Variants in MSH3 observed in about 807,000 individuals in gnomAD.
The protein encoded by MSH3 is DNA mismatch repair protein Msh3.
Under a neutral mutation model 123.3 loss-of-function variants are expected in MSH3, and 106 were observed. The observed-to-expected ratio is 0.86, with a 90% CI of 0.73 to 1.01. The LOEUF (loss-of-function observed/expected upper bound fraction) is 1.01, where lower values mean the gene tolerates loss of function less well. Among genes scored for constraint, MSH3 ranks in the 50% least tolerant of loss-of-function variants. MSH3 has a pLI of 0.00. For synonymous variants in MSH3, 515 were observed against 481.4 expected, an observed-to-expected ratio of 1.07 and a Z score of -0.91; for missense variants, 1,459 against 1,347.6, an observed-to-expected ratio of 1.08 and a Z score of -1.29.
intron 3 of MSH3, among the ~76,000 whole-genome samples, chr5:80,667,444 G>T (rs890591221): frequency 6.6e-6 from 1 of 152,230 alleles, no homozygotes; most frequent in Non-Finnish European, 1.5e-5. Flanking sequence ...CTCTGTGGCT[G>T]GTGGTGCCTT....
intron 9 of MSH3, 76 bp from the exon 10 acceptor site, chr5:80,728,775 G>GT: frequency 1.3e-6 from 1 of 792,162 alleles, no homozygotes; most frequent in Non-Finnish European, 2.1e-6. Context: ...CAAGTTAATG[G>GT]TTCTGTTTAT....
At chr5:80,752,000 G>A (rs1743848054) in intron 12 of MSH3, among the ~76,000 whole-genome samples, 1 of 151,926 alleles carries the variant, frequency 6.6e-6, no homozygotes, top group Non-Finnish European at 1.5e-5. Flanking sequence ...TGCCAATCTT[G>A]TGCAATTTTG....
chr5:80,707,883 T>C (rs1204911367), intron 8 of MSH3, among the ~76,000 whole-genome samples: 3 of 152,240 alleles, frequency 2.0e-5, no homozygotes, highest in Non-Finnish European at 1.5e-5. Context: ...AGTTAGTGTA[T>C]GGTGTCATGT....
intron 12 of MSH3, among the ~76,000 whole-genome samples, chr5:80,751,072 C>T (rs762202235): frequency 6.6e-6 from 1 of 152,032 alleles, no homozygotes; most frequent in Non-Finnish European, 1.5e-5. Context: ...AAGGGGTCTT[C>T]AGAAAGTTCA....
intron 8 of MSH3, among the ~76,000 whole-genome samples, chr5:80,716,009 T>C (rs988159512): frequency 6.6e-6 from 1 of 152,184 alleles, no homozygotes; most frequent in Non-Finnish European, 1.5e-5. Context: ...TCTTCATCTT[T>C]AGTGCTCTCT....
At chr5:80,678,259 G>A (rs1382137999) in intron 7 of MSH3, among the ~76,000 whole-genome samples, 5 of 152,264 alleles carry the variant, frequency 3.3e-5, no homozygotes, top group African/African-American at 1.2e-4. Flanking sequence ...TGGGACCTTG[G>A]CTAGAAACTT....
rs750694528 is a variant in MSH3, at chr5:80,761,644, T to G, written c.1862T>G (p.Ile621Arg). The stretch of plus-strand genomic sequence containing the variant: ...AATCATCTACGTAAATTGCCCGACA[T>G]AGAGAGGGGACTCTGTAGCATTTAT... ...IENHLRKLPD[I>R]ERGLCSIYHK... is the part of the protein sequence containing the mutation. Residue 621 changes from isoleucine (I) to arginine (R), a missense_variant, in exon 13 of 24, where the codon ATA (isoleucine) becomes AGA (arginine). Physicochemically the swap from Ile to Arg is moderately conservative, Grantham distance 97. Coordinates refer to ENST00000265081, the MANE Select transcript of MSH3 (RefSeq NM_002439.5). 3 of 1,614,138 alleles carry G rather than the reference T, an allele frequency of 1.9e-6. No homozygotes were observed. The highest frequency in any genetic ancestry group is 2.2e-5 in the South Asian group (2 of 91,084).
chr5:80,796,888 A>G (rs575019757), intron 19 of MSH3, among the ~76,000 whole-genome samples: 168 of 152,252 alleles, frequency 1.1e-3, no homozygotes, highest in Non-Finnish European at 1.9e-3. Flanking sequence ...TCTACTCTGC[A>G]GCCACAGGGC....
intron 7 of MSH3, among the ~76,000 whole-genome samples, chr5:80,677,946 T>G (rs976958711): frequency 2.0e-5 from 3 of 152,218 alleles, no homozygotes; most frequent in Non-Finnish European, 4.4e-5. Context: ...TGTAAATATT[T>G]TTGTATGTCT....
In MSH3 at chr5:80,654,706, G is replaced by T. The variant is rs753735186; in HGVS notation, c.-22G>T. On this transcript the variant is annotated 5_prime_UTR_variant, in exon 1 of 24. Coordinates refer to ENST00000265081, the MANE Select transcript of MSH3 (RefSeq NM_002439.5). ...GCGCTCCTCGCCAGGCCCTGCCGCC[G>T]GGCTGCCATCCTTGCCCTGCCATGT... The T allele has an allele frequency of 6.3e-7, 1 of 1,581,780 alleles. No homozygotes were observed. The highest frequency in any genetic ancestry group is 1.7e-5 in the Admixed American group (1 of 57,584).
At chr5:80,788,452 T>A (rs1032369759) in intron 18 of MSH3, among the ~76,000 whole-genome samples, 38 of 149,618 alleles carry the variant, frequency 2.5e-4, no homozygotes, top group East Asian at 1.2e-3. Context: ...AAAAAAAAAA[T>A]TTTTTTTCAG....
intron 20 of MSH3, among the ~76,000 whole-genome samples, chr5:80,845,094 T>A (rs1002448537): frequency 7.2e-5 from 11 of 152,230 alleles, no homozygotes; most frequent in Non-Finnish European, 4.4e-5. Context: ...AAGGCAGACC[T>A]GGTGGTGACA....
At position 80,876,450 on chromosome 5, in the gene MSH3, A is replaced by G. The variant is rs1291426328; in HGVS notation, c.*588A>G. 6.2e-6 allele frequency: 1 copy of G among 160,392 alleles called. No individual in the cohort carries two copies. 9.9% of individuals were successfully genotyped at this position (160,392 alleles called of 1,614,324 possible). On this transcript the variant is annotated 3_prime_UTR_variant, in exon 24 of 24. Transcript: ENST00000265081. ...AAACCCCATCTTTACTAAAAATATA[A>G]AGTACATCTCTACTAAAAATACGAA...
At chr5:80,827,468 A>C (rs1319777803) in intron 20 of MSH3, among the ~76,000 whole-genome samples, 5 of 152,242 alleles carry the variant, frequency 3.3e-5, no homozygotes, top group Non-Finnish European at 7.3e-5. Flanking sequence ...TTGAGCACTG[A>C]CTGTGGAGTA....
At position 80,792,611 on chromosome 5, in the gene MSH3, A is replaced by G. The variant is rs56006849; in HGVS notation, c.2544-122A>G. The G allele has an allele frequency of 9.9e-4, 662 of 667,296 alleles. 3 individuals are homozygous for G. In the African/African-American group the frequency reaches 0.01, roughly 10 times the overall value. The allele number at this position is 667,296 out of a possible 1,614,324, so 41.3% of individuals were successfully genotyped here. A position where few individuals can be genotyped will look rare whatever the true frequency, so the allele number is the denominator to read the frequency against. On this transcript the variant is annotated intron_variant, in intron 18 of 23. Transcript: ENST00000265081. ...TTCTGGACATATGTTCTTAAAATCT[A>G]TGTTTAAAGTTTTGTTTTCTGTCGT...
At chr5:80,709,483 G>C (rs1343130144) in intron 8 of MSH3, among the ~76,000 whole-genome samples, 2 of 151,902 alleles carry the variant, frequency 1.3e-5, no homozygotes, top group Non-Finnish European at 2.9e-5. Context: ...TTAGCCTAGC[G>C]CAGTGGCGGG....
intron 17 of MSH3, among the ~76,000 whole-genome samples, chr5:80,780,146 C>T (rs1744384420): frequency 6.6e-6 from 1 of 152,154 alleles, no homozygotes; most frequent in South Asian, 2.1e-4. Context: ...TAAGTCATGG[C>T]ATGCTGGCCA....
rs560950080 is a variant in MSH3 at position 80,831,072 on chromosome 5, A to G, written c.2813+17331A>G. Among the ~76,000 whole-genome samples the G allele has an allele frequency of 2.6e-5, 4 of 152,328 alleles. No homozygotes were observed. In the South Asian group the frequency reaches 8.3e-4, roughly 32 times the overall value. ...AAACCCATCATAAGTCAGAAACATC[A>G]TAAATCAAAAATGCACTTAATACTC... On this transcript the variant is annotated intron_variant, in intron 20 of 23. Coordinates refer to ENST00000265081, the MANE Select transcript of MSH3 (RefSeq NM_002439.5).
intron 8 of MSH3, among the ~76,000 whole-genome samples, chr5:80,690,184 C>G (rs1365672929): frequency 6.6e-6 from 1 of 152,064 alleles, no homozygotes; most frequent in African/African-American, 2.4e-5. Flanking sequence ...CTTGCGAGTT[C>G]TTGGAATTAT....
Sources: allele counts gnomAD v4.1 joint callset (sites outside exome capture counted in the v4.1 genomes callset), GRCh38; gene constraint gnomAD v4.1.1; transcripts MANE v1.5; gene names NCBI Gene and HGNC (gene_info 2026-07-23, HGNC 2026-07-21).